The following TCF7L2 variants were observed in gnomAD, a reference collection of about 807,000 sequenced individuals.
TCF7L2 encodes the protein transcription factor 7 like 2, also known as transcription factor 7-like 2.
Under a neutral mutation model 77.9 loss-of-function variants are expected in TCF7L2, and 23 were observed. The observed-to-expected ratio is 0.30, with a 90% CI of 0.21 to 0.42. The LOEUF (loss-of-function observed/expected upper bound fraction) is 0.42, where lower values mean the gene tolerates loss of function less well. Among genes scored for constraint, TCF7L2 ranks in the 10% least tolerant of loss-of-function variants. The pLI, the probability that TCF7L2 is intolerant of heterozygous loss-of-function variation, is 1.00. For synonymous variants in TCF7L2, 413 were observed against 340.2 expected, an observed-to-expected ratio of 1.21 and a Z score of -2.36; for missense variants, 654 against 793.1, an observed-to-expected ratio of 0.82 and a Z score of 2.11.
At chr10:112,953,766 T>TC (rs1254175162) in intron 3 of TCF7L2, among the ~76,000 whole-genome samples, 2 of 152,192 alleles carry the variant, frequency 1.3e-5, no homozygotes, top group East Asian at 3.8e-4. Flanking sequence ...CTCCCAATGA[T>TC]CGGTCCCTTT....
chr10:113,144,919 A>G (rs1163852769), intron 7 of TCF7L2, among the ~76,000 whole-genome samples: 2 of 152,146 alleles, frequency 1.3e-5, no homozygotes, highest in African/African-American at 2.4e-5. Flanking sequence ...CTGTGGATGT[A>G]TTTCTCCTTA....
intron 4 of TCF7L2, among the ~76,000 whole-genome samples, chr10:113,030,530 A>T (rs1347496262): frequency 1.3e-5 from 2 of 152,234 alleles, no homozygotes; most frequent in African/African-American, 4.8e-5. Context: ...GTAATTAGAA[A>T]ATATGGTGGC....
chr10:113,027,921 G>T (rs2049492088), intron 4 of TCF7L2, among the ~76,000 whole-genome samples: 1 of 152,176 alleles, frequency 6.6e-6, no homozygotes, highest in African/African-American at 2.4e-5. Flanking sequence ...GGACTTCCTT[G>T]AGTGACTAGG....
In TCF7L2 at chr10:113,167,378, T is replaced by A. The variant is rs1259878893; in HGVS notation, c.*1406T>A. 4.4e-6 allele frequency: 1 copy of A among 226,424 alleles called. No homozygotes were observed. The highest frequency in any genetic ancestry group is 8.8e-6 in the Non-Finnish European group (1 of 113,970). The allele number at this position is 226,424 out of a possible 1,614,324, so 14.0% of individuals were successfully genotyped here. A position where few individuals can be genotyped will look rare whatever the true frequency, so the allele number is the denominator to read the frequency against. On this transcript the variant is annotated 3_prime_UTR_variant, in exon 14 of 14. Coordinates refer to ENST00000627217, the MANE Select transcript of TCF7L2 (RefSeq NM_001146274.2). ...AAAAAAAACCTAGGCATGTTGATGT[T>A]GCAAAATGCTGTATAAAGCTGAAAC...
At chr10:113,164,271 T>G (rs939145278) in intron 13 of TCF7L2, among the ~76,000 whole-genome samples, 1 of 152,218 alleles carries the variant, frequency 6.6e-6, no homozygotes, top group Non-Finnish European at 1.5e-5. Flanking sequence ...CCTTTGATGC[T>G]AAGCAAGAAG....
At chr10:113,074,186 A>G (rs1348907219) in intron 5 of TCF7L2, among the ~76,000 whole-genome samples, 1 of 152,204 alleles carries the variant, frequency 6.6e-6, no homozygotes, top group African/African-American at 2.4e-5. Context: ...TACTTTATGC[A>G]GAACATTCTG....
At chr10:113,143,077 C>T (rs2068667206) in intron 6 of TCF7L2, among the ~76,000 whole-genome samples, 2 of 152,242 alleles carry the variant, frequency 1.3e-5, no homozygotes, top group African/African-American at 4.8e-5. Flanking sequence ...GGTATTGTGC[C>T]TTTTGCCTCC....
chr10:112,951,491 A>G lies in TCF7L2; in HGVS notation c.265A>G (p.Arg89Gly). Reference sequence around the variant, plus strand: ...CCGCCCCGCCATGTTAGCGGCCAAGAGGCAAGATGGAGGGCTCTTTAAGGG... The same window carrying G: ...CCGCCCCGCCATGTTAGCGGCCAAGGGGCAAGATGGAGGGCTCTTTAAGGG... Residue 89 changes from arginine to glycine, a missense_variant, in exon 3 of 14, where the codon AGG becomes GGG. Around this residue, in one of 6 missense-constraint regions of TCF7L2, gnomAD observed 132 missense variants for 123.7 expected, o/e 1.07. Transcript: ENST00000627217. 7.0e-7 allele frequency: 1 copy of G among 1,432,280 alleles called. No individual in the cohort carries two copies. The allele number at this position is 1,432,280 out of a possible 1,614,324, so 88.7% of individuals were successfully genotyped here. A position where few individuals can be genotyped will look rare whatever the true frequency, so the allele number is the denominator to read the frequency against.
intron 5 of TCF7L2, among the ~76,000 whole-genome samples, chr10:113,041,642 T>C (rs1158315870): frequency 6.6e-6 from 1 of 152,202 alleles, no homozygotes; most frequent in Non-Finnish European, 1.5e-5. Context: ...AAGAAGTTGC[T>C]GGTTGGGGGT....
chr10:112,952,441 A>G (rs1189718930), intron 3 of TCF7L2, among the ~76,000 whole-genome samples: 1 of 152,108 alleles, frequency 6.6e-6, no homozygotes, highest in African/African-American at 2.4e-5. Flanking sequence ...CGCGCAGGGC[A>G]GCAGGGCTGA....
Position 112,965,490 on chromosome 10 carries a change from G to A in TCF7L2, c.450+866G>A, listed in dbSNP as rs140309157. On this transcript the variant is annotated intron_variant, in intron 4 of 13. Coordinates refer to ENST00000627217, the MANE Select transcript of TCF7L2 (RefSeq NM_001146274.2). ...CCTTTGAAGGGATTCTCTTGAAACCGTTTGCTGTAGTGTTGAGGTCTAGCT... is the reference window on the plus strand; with the variant it reads ...CCTTTGAAGGGATTCTCTTGAAACCATTTGCTGTAGTGTTGAGGTCTAGCT... 3.6e-3 allele frequency among the ~76,000 whole-genome samples: 549 copies of A among 152,264 alleles called. 5 individuals carry two copies. The highest frequency in any genetic ancestry group is 0.012 in the African/African-American group (496 of 41,560).
intron 5 of TCF7L2, among the ~76,000 whole-genome samples, chr10:113,107,509 C>T (rs886536713): frequency 3.3e-5 from 5 of 151,002 alleles, no homozygotes; most frequent in African/African-American, 9.8e-5. Flanking sequence ...TCTGGGAGGC[C>T]GAGGCGGGTG....
chr10:113,154,454 T>G (rs974797932), intron 11 of TCF7L2, among the ~76,000 whole-genome samples: 1 of 152,150 alleles, frequency 6.6e-6, no homozygotes, highest in Non-Finnish European at 1.5e-5. Context: ...TTTTGGGTCA[T>G]AGTAGGGCCT....
chr10:113,106,778 C>G (rs1234060487), intron 5 of TCF7L2, among the ~76,000 whole-genome samples: 1 of 152,080 alleles, frequency 6.6e-6, no homozygotes, highest in East Asian at 1.9e-4. Flanking sequence ...CTAGTCTTTC[C>G]CAGAGGACTG....
intron 4 of TCF7L2, among the ~76,000 whole-genome samples, chr10:113,032,925 T>A (rs1387517080): frequency 6.6e-6 from 1 of 152,164 alleles, no homozygotes; most frequent in Non-Finnish European, 1.5e-5. Context: ...CTGTAAGGAT[T>A]TCATTGAAAA....
intron 4 of TCF7L2, among the ~76,000 whole-genome samples, chr10:112,967,181 C>T (rs912971735): frequency 6.6e-6 from 1 of 152,234 alleles, no homozygotes; most frequent in Admixed American, 6.5e-5. Flanking sequence ...ATGTTCCTTT[C>T]GCTCCATTCT....
At chr10:113,161,538 C>T (rs1337786068) in intron 13 of TCF7L2, 2 of 1,535,342 alleles carry the variant, frequency 1.3e-6, no homozygotes, top group Admixed American at 3.9e-5. Context: ...TAATGACCAC[C>T]TTTGGTTAAA....
intron 4 of TCF7L2, among the ~76,000 whole-genome samples, chr10:112,993,513 GA>G (rs796647467): frequency 2.7e-5 from 4 of 146,564 alleles, no homozygotes; most frequent in South Asian, 4.3e-4. Flanking sequence ...CTCAAAAAAA[GA>G]AAAAAAAAAG....
At chr10:113,134,359 G>A (rs2067081515) in intron 5 of TCF7L2, among the ~76,000 whole-genome samples, 1 of 152,220 alleles carries the variant, frequency 6.6e-6, no homozygotes, top group African/African-American at 2.4e-5. Flanking sequence ...TTGGCCTGCT[G>A]GGTTGGGATG....
Sources: gnomAD v4.1 joint callset for allele counts (sites outside exome capture counted in the v4.1 genomes callset) on GRCh38, gnomAD v4.1.1 for gene constraint, gnomAD v4.1.1 regional missense constraint, MANE v1.5 for transcripts, NCBI Gene and HGNC (gene_info 2026-07-23, HGNC 2026-07-21) for gene names.